The following TIPIN variants were observed in gnomAD, a reference collection of about 807,000 sequenced individuals.
TIPIN encodes TIMELESS-interacting protein.
In TIPIN, 29 loss-of-function variants were observed where a neutral mutation model predicts 35.6. That is an observed-to-expected ratio of 0.82 (90% confidence interval 0.61 to 1.11). The LOEUF is 1.11. TIPIN is among the 50% of genes most tolerant of loss of function. The pLI is 0.00. For synonymous variants in TIPIN, 102 were observed against 121.5 expected (o/e 0.84, Z 1.06); for missense variants, 296 against 345.4 (o/e 0.86, Z 1.13).
chr15:66,340,860 G>A (rs2093081658), intron 7 of TIPIN, among the ~76,000 whole-genome samples: 1 of 152,140 alleles, frequency 6.6e-6, no homozygotes, highest in East Asian at 1.9e-4. Context: ...GCCTCCCAAA[G>A]TGCTGAGATT....
intron 1 of TIPIN, chr15:66,379,422 G>A (rs1253621465): frequency 1.9e-6 from 3 of 1,603,166 alleles, no homozygotes; most frequent in Middle Eastern, 2.3e-4. Flanking sequence ...TTAAACTGTT[G>A]TGGCTTGCTG....
chr15:66,358,525 C>G (rs537273847), upstream of TIPIN, among the ~76,000 whole-genome samples: 2 of 152,002 alleles, frequency 1.3e-5, no homozygotes, highest in African/African-American at 4.8e-5. Flanking sequence ...GTGATCCTCC[C>G]TCCCCAGCCT....
At chr15:66,372,609 A>C (rs1595817589) in intron 1 of TIPIN, among the ~76,000 whole-genome samples, 1 of 152,332 alleles carries the variant, frequency 6.6e-6, no homozygotes, top group East Asian at 1.9e-4. Context: ...TGGTCCCATA[A>C]GAGTACAATA....
intron 6 of TIPIN, among the ~76,000 whole-genome samples, chr15:66,345,438 G>A (rs2093118221): frequency 6.6e-6 from 1 of 152,098 alleles, no homozygotes; most frequent in South Asian, 2.1e-4. Flanking sequence ...CGGGCACAGT[G>A]GCTCACTGGC....
At chr15:66,356,573 G>A in intron 1 of TIPIN, 66 bp downstream of exon 1, 1 of 976,282 alleles carries the variant, frequency 1.0e-6, no homozygotes, top group African/African-American at 1.8e-5. Context: ...CTTCCATCTG[G>A]CTCCCTGGCT....
At chr15:66,376,426 C>CT (rs1025928272) in intron 1 of TIPIN, among the ~76,000 whole-genome samples, 11 of 150,482 alleles carry the variant, frequency 7.3e-5, no homozygotes, top group African/African-American at 2.4e-4. Context: ...TAATTTTTTT[C>CT]TTTTTTTTTG....
At chr15:66,357,884 A>G (rs1416033655), upstream of TIPIN, among the ~76,000 whole-genome samples, 1 of 151,818 alleles carries the variant, frequency 6.6e-6, no homozygotes, top group African/African-American at 2.4e-5. Context: ...TGAACCTGGG[A>G]GGCAGAGGTT....
At chr15:66,362,015 G>A (rs1480985069) in intron 1 of TIPIN, among the ~76,000 whole-genome samples, 2 of 150,514 alleles carry the variant, frequency 1.3e-5, no homozygotes, top group African/African-American at 2.4e-5. Flanking sequence ...GCTGGGCGCG[G>A]TGGCTCTGCC....
intron 7 of TIPIN, 42 bp downstream of exon 7, chr15:66,341,108 G>A (rs1167574781): frequency 6.4e-7 from 1 of 1,564,164 alleles, no homozygotes; most frequent in Non-Finnish European, 8.7e-7. Context: ...ACATGTCCTT[G>A]ATATATTAAT....
chr15:66,379,149 A>G (rs2093308805), intron 1 of TIPIN: 1 of 759,610 alleles, frequency 1.3e-6, no homozygotes, highest in African/African-American at 1.8e-5. Flanking sequence ...TCTGCCTCCC[A>G]AAATGCTGGA....
At chr15:66,347,333 G>A (rs530723385) in intron 6 of TIPIN, 8 of 513,064 alleles carry the variant, frequency 1.6e-5, no homozygotes, top group South Asian at 9.9e-5. Flanking sequence ...TCAATACCAG[G>A]AACAGTCACA....
intron 1 of TIPIN, among the ~76,000 whole-genome samples, chr15:66,363,381 C>T (rs2093239332): frequency 6.6e-6 from 1 of 151,784 alleles, no homozygotes; most frequent in Non-Finnish European, 1.5e-5. Flanking sequence ...CGGTGGCTCA[C>T]ATCTATGATC....
intron 1 of TIPIN, among the ~76,000 whole-genome samples, chr15:66,380,830 ATAGAGATCC>A (rs1309101889): frequency 6.6e-6 from 1 of 152,152 alleles, no homozygotes; most frequent in Admixed American, 6.5e-5. Context: ...AATTAAAAAA[ATAGAGATCC>A]TAGGTTTTTC....
chr15:66,337,183 T>A lies in TIPIN; in HGVS notation c.683-2A>T. ...CCCTGGGTGTATTCATTAACATATCTGAAAGAAATCATACCATTATTATTC... is the reference window on the plus strand; with the variant it reads ...CCCTGGGTGTATTCATTAACATATCAGAAAGAAATCATACCATTATTATTC... On this transcript the variant is annotated splice_acceptor_variant, in intron 7 of 7. Coordinates refer to ENST00000261881, the MANE Select transcript of TIPIN (RefSeq NM_017858.3). LOFTEE classifies it high-confidence loss of function. 1 of 1,610,862 alleles carries A rather than the reference T, an allele frequency of 6.2e-7. No individual in the cohort carries two copies. Among genetic ancestry groups the A allele is most frequent in the Non-Finnish European group, 8.5e-7 (1 of 1,177,834 alleles).
chr15:66,386,659 A>T (rs954968119), exon 1 of TIPIN: 1 of 177,480 alleles, frequency 5.6e-6, no homozygotes, highest in Non-Finnish European at 1.2e-5. Context: ...CCACACAGCG[A>T]CACAGACTTC....
At chr15:66,378,677 T>C (rs1204234986) in intron 1 of TIPIN, among the ~76,000 whole-genome samples, 1 of 152,074 alleles carries the variant, frequency 6.6e-6, no homozygotes, top group Non-Finnish European at 1.5e-5. Flanking sequence ...TTTCCCATGA[T>C]CTTATCTAGC....
chr15:66,366,192 A>C (rs1286662584), intron 1 of TIPIN, among the ~76,000 whole-genome samples: 1 of 151,046 alleles, frequency 6.6e-6, no homozygotes, highest in Non-Finnish European at 1.5e-5. Flanking sequence ...GCAGTGGCTC[A>C]CACCTGTAAT....
chr15:66,385,939 C>T (rs2093336176), intron 1 of TIPIN, among the ~76,000 whole-genome samples: 1 of 151,992 alleles, frequency 6.6e-6, no homozygotes, highest in Non-Finnish European at 1.5e-5. Flanking sequence ...TGCACACAAC[C>T]ATGCCCAGCT....
chr15:66,354,140 A>G (rs2093188021), intron 1 of TIPIN, among the ~76,000 whole-genome samples: 1 of 152,154 alleles, frequency 6.6e-6, no homozygotes. Context: ...ATTTATGCAC[A>G]GAGCTTTAAT....
Sources: allele counts gnomAD v4.1 joint callset (sites outside exome capture counted in the v4.1 genomes callset), GRCh38; gene constraint gnomAD v4.1.1; transcripts MANE v1.5; gene names NCBI Gene and HGNC (gene_info 2026-07-23, HGNC 2026-07-21).